Variants in GPC5 observed in about 807,000 individuals in gnomAD.
The protein encoded by GPC5 is glypican 5, also known as glypican-5.
In GPC5, 47 loss-of-function variants were observed where a neutral mutation model predicts 53.9. The ratio of observed to expected loss-of-function variants is 0.87; its 90% confidence interval spans 0.69 to 1.11. The LOEUF (loss-of-function observed/expected upper bound fraction) is 1.11, where lower values mean the gene tolerates loss of function less well. Among genes scored for constraint, GPC5 ranks in the 50% most tolerant of loss-of-function variants. The pLI, the probability that GPC5 is intolerant of heterozygous loss-of-function variation, is 0.00. For synonymous variants in GPC5, 286 were observed against 263.3 expected (o/e 1.09, Z -0.84); for missense variants, 748 against 713.1 (o/e 1.05, Z -0.56).
intron 7 of GPC5, among the ~76,000 whole-genome samples, chr13:92,236,887 G>A (rs190098422): frequency 1.3e-5 from 2 of 150,440 alleles, no homozygotes; most frequent in South Asian, 2.1e-4. Flanking sequence ...CATTGTCTTT[G>A]CCTCCATTCT....
intron 5 of GPC5, among the ~76,000 whole-genome samples, chr13:91,797,653 C>A (rs2138765524): frequency 1.3e-5 from 2 of 152,290 alleles, no homozygotes; most frequent in Middle Eastern, 3.4e-3. Flanking sequence ...CTACATCTGC[C>A]TCTGTGATCA....
intron 6 of GPC5, among the ~76,000 whole-genome samples, chr13:91,946,623 A>G (rs2039976670): frequency 1.3e-5 from 2 of 152,164 alleles, no homozygotes; most frequent in Admixed American, 1.3e-4. Flanking sequence ...AACACCTCAG[A>G]TTGCATGTTA....
At position 92,751,756 on chromosome 13, in the gene GPC5, AAAAT is replaced by A. The variant is rs942402806; in HGVS notation, c.1562-114522_1562-114519del. On this transcript the variant is annotated intron_variant, in intron 7 of 7. Coordinates refer to ENST00000377067, the MANE Select transcript of GPC5 (RefSeq NM_004466.6). The stretch of plus-strand genomic sequence containing the variant: ...GAACTTAAAGTATAAAAAAAAATAA[AAAAT>A]AAAAACACTTCAATACTTAGCGTAT... Among the ~76,000 whole-genome samples the A allele has an allele frequency of 3.3e-5, 5 of 152,232 alleles. No homozygotes were observed. In the East Asian group the frequency reaches 9.7e-4, roughly 29 times the overall value.
At chr13:91,974,274 T>G (rs1318253633) in intron 6 of GPC5, among the ~76,000 whole-genome samples, 1 of 152,136 alleles carries the variant, frequency 6.6e-6, no homozygotes, top group Non-Finnish European at 1.5e-5. Flanking sequence ...GCCAGGGCAA[T>G]TAGGCAGGAG....
At chr13:91,839,872 C>T (rs1043567660) in intron 5 of GPC5, among the ~76,000 whole-genome samples, 9 of 152,058 alleles carry the variant, frequency 5.9e-5, no homozygotes, top group African/African-American at 1.4e-4. Flanking sequence ...CAAGTTCATA[C>T]ACAATTCCAT....
At chr13:92,353,208 C>G (rs1474821427) in intron 7 of GPC5, among the ~76,000 whole-genome samples, 1 of 144,032 alleles carries the variant, frequency 6.9e-6, no homozygotes, top group Admixed American at 7.1e-5. Context: ...TGCAGTGAGC[C>G]GAGATTGCGC....
chr13:92,803,394 A>AG lies in GPC5; in HGVS notation c.1562-62887dup, dbSNP rs531687268. Among the ~76,000 whole-genome samples, 367 of 152,070 alleles carry AG rather than the reference A, an allele frequency of 2.4e-3. 2 individuals carry two copies. Among genetic ancestry groups the AG allele is most frequent in the African/African-American group, 8.6e-3 (358 of 41,540 alleles). ...CTTTCTTGCCTCAAGATATCAGACT[A>AG]GCACAGGGGATTCTGTAAAATTTTA... On this transcript the variant is annotated intron_variant, in intron 7 of 7. Transcript: ENST00000377067.
At chr13:92,135,762 G>A (rs550926057) in intron 6 of GPC5, among the ~76,000 whole-genome samples, 145 of 152,252 alleles carry the variant, frequency 9.5e-4, no homozygotes, top group Non-Finnish European at 1.5e-3. Context: ...AACAGGAGCC[G>A]AGATCAGAAA....
intron 7 of GPC5, among the ~76,000 whole-genome samples, chr13:92,657,579 G>GTTTTTTTT (rs67038073): frequency 2.4e-4 from 26 of 106,700 alleles, no homozygotes; most frequent in South Asian, 3.2e-4. Context: ...AGGTTTTTTG[G>GTTTTTTTT]TTTTTTTTTT....
chr13:92,385,093 C>G (rs1466501296), intron 7 of GPC5, among the ~76,000 whole-genome samples: 1 of 151,880 alleles, frequency 6.6e-6, no homozygotes, highest in Non-Finnish European at 1.5e-5. Context: ...TATGAAAACT[C>G]TCCCCAGATA....
intron 7 of GPC5, among the ~76,000 whole-genome samples, chr13:92,549,756 A>T (rs1471680576): frequency 6.6e-6 from 1 of 152,094 alleles, no homozygotes; most frequent in Admixed American, 6.6e-5. Context: ...ACATCCTCAA[A>T]CAGTTTGCCT....
intron 7 of GPC5, among the ~76,000 whole-genome samples, chr13:92,548,439 A>T (rs970245709): frequency 6.6e-6 from 1 of 151,416 alleles, no homozygotes; most frequent in African/African-American, 2.4e-5. Context: ...AATATATAAA[A>T]TATATTTAAG....
intron 7 of GPC5, among the ~76,000 whole-genome samples, chr13:92,520,624 C>T (rs772068223): frequency 5.4e-4 from 82 of 152,104 alleles, no homozygotes; most frequent in Non-Finnish European, 1.0e-3. Context: ...ATTGATGGGA[C>T]GTATCTCAAA....
At chr13:92,786,022 G>A (rs1241971479) in intron 7 of GPC5, among the ~76,000 whole-genome samples, 1 of 152,156 alleles carries the variant, frequency 6.6e-6, no homozygotes, top group South Asian at 2.1e-4. Flanking sequence ...GTCAAAATAT[G>A]GATAGTACAT....
intron 7 of GPC5, among the ~76,000 whole-genome samples, chr13:92,537,299 A>C (rs1307736447): frequency 1.3e-5 from 2 of 152,164 alleles, no homozygotes; most frequent in Non-Finnish European, 2.9e-5. Flanking sequence ...TGTGACTGAA[A>C]GGTTCCTAAG....
At chr13:91,551,156 A>C (rs1184237832) in intron 2 of GPC5, among the ~76,000 whole-genome samples, 1 of 62,168 alleles carries the variant, frequency 1.6e-5, no homozygotes, top group African/African-American at 3.6e-5. Context: ...ATGATATGTC[A>C]TCAGAAAACA....
intron 1 of GPC5, among the ~76,000 whole-genome samples, chr13:91,436,843 A>G (rs138618434): frequency 2.0e-5 from 3 of 152,270 alleles, no homozygotes; most frequent in African/African-American, 7.2e-5. Flanking sequence ...TAGGTCTCTA[A>G]GTACTTGCTG....
chr13:91,835,736 G>A (rs1363295480), intron 5 of GPC5, among the ~76,000 whole-genome samples: 1 of 151,908 alleles, frequency 6.6e-6, no homozygotes, highest in Admixed American at 6.6e-5. Context: ...GCCTGTCGGG[G>A]GTTGGGGGGT....
Position 92,360,408 on chromosome 13 carries a change from CT to C in GPC5, c.1561+215423del, listed in dbSNP as rs1426723951. On this transcript the variant is annotated intron_variant, in intron 7 of 7. Transcript: ENST00000377067. ...ATTGCTTCAATAGATCCATAAAAGG[CT>C]TTTGATAGAATTCAACATCATTTCA... Among the ~76,000 whole-genome samples the C allele has an allele frequency of 3.3e-5, 5 of 151,742 alleles. No homozygotes were observed. In the South Asian group the frequency reaches 1.0e-3, roughly 31 times the overall value.
Sources: gnomAD v4.1 joint callset for allele counts (sites outside exome capture counted in the v4.1 genomes callset) on GRCh38, gnomAD v4.1.1 for gene constraint, MANE v1.5 for transcripts, NCBI Gene and HGNC (gene_info 2026-07-23, HGNC 2026-07-21) for gene names.